The following PRRX2 variants were observed in gnomAD, a reference collection of about 807,000 sequenced individuals.
The protein encoded by PRRX2 is paired mesoderm homeobox protein 2.
In PRRX2, 11 loss-of-function variants were observed where a neutral mutation model predicts 18.0. The ratio of observed to expected loss-of-function variants is 0.61; its 90% CI spans 0.39 to 1.01. PRRX2 has a LOEUF of 1.01. Ranked by LOEUF, PRRX2 falls within the 50% of genes least tolerant of loss-of-function variation. The pLI, the probability that PRRX2 is intolerant of heterozygous loss-of-function variation, is 0.01. For missense variants in PRRX2, 387 were observed against 351.0 expected (o/e 1.10, Z -0.82); for synonymous variants, 177 against 154.8 (o/e 1.14, Z -1.06).
intron 1 of PRRX2, among the ~76,000 whole-genome samples, chr9:129,667,718 C>T (rs912273477): frequency 2.0e-5 from 3 of 152,108 alleles, no homozygotes; most frequent in South Asian, 2.1e-4. Flanking sequence ...CAGGGAAGGC[C>T]GTGCTTCTCC....
rs12350305 is a variant in PRRX2, at chr9:129,695,177, C to G, written c.260-24054C>G. 0.11 allele frequency among the ~76,000 whole-genome samples: 17,331 copies of G among 152,180 alleles called. 1,618 individuals are homozygous for G. The highest frequency in any genetic ancestry group is 0.26 in the African/African-American group (10,591 of 41,500). Reference sequence around the variant, plus strand: ...AAGATCCAGGGTCATTCTAGAAGTTCTAGGAGGATTATTCCCTTCTCCACC... The same window carrying G: ...AAGATCCAGGGTCATTCTAGAAGTTGTAGGAGGATTATTCCCTTCTCCACC... On this transcript the variant is annotated intron_variant, in intron 1 of 3. Transcript: ENST00000372469. The surrounding 1 kb of genome is among the most constrained non-coding windows in gnomAD (Gnocchi z 4.8).
intron 1 of PRRX2, among the ~76,000 whole-genome samples, chr9:129,698,922 G>A (rs866691448): frequency 3.6e-4 from 55 of 152,212 alleles, no homozygotes; most frequent in African/African-American, 1.3e-3. Flanking sequence ...CTAAACTCTA[G>A]GAAGTAGAGG....
At chr9:129,682,624 C>T (rs948136229) in intron 1 of PRRX2, among the ~76,000 whole-genome samples, 4 of 152,188 alleles carry the variant, frequency 2.6e-5, no homozygotes, top group African/African-American at 9.6e-5. Flanking sequence ...CAGGGAGTGT[C>T]TCCACCCCCT....
intron 1 of PRRX2, among the ~76,000 whole-genome samples, chr9:129,704,572 C>T (rs1005537413): frequency 1.3e-5 from 2 of 152,144 alleles, no homozygotes; most frequent in Non-Finnish European, 2.9e-5. Context: ...AGGAAGGAAG[C>T]GCATGTGTGT....
intron 1 of PRRX2, among the ~76,000 whole-genome samples, chr9:129,684,427 A>AAAACACACACACAC (rs1554723008): frequency 2.4e-5 from 2 of 82,928 alleles, no homozygotes; most frequent in Non-Finnish European, 5.1e-5. Context: ...ACACAGATAC[A>AAAACACACACACAC]ACACACACAC....
chr9:129,717,014 GTCAATTT>G (rs1317784452), intron 1 of PRRX2, among the ~76,000 whole-genome samples: 3 of 151,938 alleles, frequency 2.0e-5, no homozygotes, highest in Non-Finnish European at 4.4e-5. Flanking sequence ...GTGTGTGCTT[GTCAATTT>G]TTAATTTTAT....
At chr9:129,703,785 C>T (rs116999519) in intron 1 of PRRX2, among the ~76,000 whole-genome samples, 1 of 152,126 alleles carries the variant, frequency 6.6e-6, no homozygotes. Context: ...CTTTGCCGAG[C>T]AAGGCTCAGA....
chr9:129,690,513 T>C (rs1220948716), intron 1 of PRRX2, among the ~76,000 whole-genome samples: 3 of 151,042 alleles, frequency 2.0e-5, no homozygotes, highest in Non-Finnish European at 3.0e-5. Context: ...TCTTTTTTTT[T>C]TTTTTTTTTT....
chr9:129,669,064 A>AAAG (rs1564362569), intron 1 of PRRX2, among the ~76,000 whole-genome samples: 3 of 150,826 alleles, frequency 2.0e-5, no homozygotes, highest in African/African-American at 7.3e-5. Flanking sequence ...GGAGAAAAAA[A>AAAG]AAAGAAAGAA....
In PRRX2 at chr9:129,715,406, A is replaced by G. The variant is rs893031653; in HGVS notation, c.260-3825A>G. Reference sequence around the variant, plus strand: ...CAGGAGTTTAAGACCAGTCTTGGCAACATAGTAAGACCTCATCTCTACATT... The same window carrying G: ...CAGGAGTTTAAGACCAGTCTTGGCAGCATAGTAAGACCTCATCTCTACATT... On this transcript the variant is annotated intron_variant, in intron 1 of 3. Coordinates refer to ENST00000372469, the MANE Select transcript of PRRX2 (RefSeq NM_016307.4). This position sits in a 1 kb window ranked among gnomAD's most constrained non-coding sequence, Gnocchi z 4.0. 6.6e-6 allele frequency among the ~76,000 whole-genome samples: 1 copy of G among 152,112 alleles called. No individual in the cohort carries two copies. Among genetic ancestry groups the G allele is most frequent in the Admixed American group, 6.6e-5 (1 of 15,260 alleles).
At chr9:129,696,755 C>G (rs1832428781) in intron 1 of PRRX2, among the ~76,000 whole-genome samples, 1 of 152,112 alleles carries the variant, frequency 6.6e-6, no homozygotes, top group Admixed American at 6.5e-5. Flanking sequence ...TCCCCAGATG[C>G]TTGGGTGGGA....
chr9:129,699,123 T>TA lies in PRRX2; in HGVS notation c.260-20101dup, dbSNP rs1241019418. On this transcript the variant is annotated intron_variant, in intron 1 of 3. Coordinates refer to ENST00000372469, the MANE Select transcript of PRRX2 (RefSeq NM_016307.4). ...CTAGCCCATGCTCTGGCCTGTCAATTAAAAAAATCCATCAATAGGCTGGGC... is the reference window on the plus strand; with the variant it reads ...CTAGCCCATGCTCTGGCCTGTCAATTAAAAAAAATCCATCAATAGGCTGGGC... Among the ~76,000 whole-genome samples the TA allele has an allele frequency of 4.6e-5, 7 of 152,234 alleles. No individual in the cohort carries two copies. In the South Asian group the frequency reaches 1.0e-3, roughly 23 times the overall value.
In PRRX2 at chr9:129,715,789, C is replaced by G. The variant is rs1005047274; in HGVS notation, c.260-3442C>G. ...ACACACACACACACACACACACACA[C>G]ACACTCATTTACAGTCTCATGGAGC... On this transcript the variant is annotated intron_variant, in intron 1 of 3. Transcript: ENST00000372469. The surrounding 1 kb of genome is among the most constrained non-coding windows in gnomAD (Gnocchi z 4.0). 2.6e-5 allele frequency among the ~76,000 whole-genome samples: 4 copies of G among 151,572 alleles called. No individual in the cohort carries two copies. The highest frequency in any genetic ancestry group is 5.9e-5 in the Non-Finnish European group (4 of 67,892).
intron 1 of PRRX2, among the ~76,000 whole-genome samples, chr9:129,672,693 C>T (rs542500074): frequency 4.5e-4 from 69 of 152,106 alleles, no homozygotes; most frequent in Non-Finnish European, 8.1e-4. Context: ...GGGGACTGCC[C>T]GGGGCTGGGG....
In PRRX2 at chr9:129,715,345, C is replaced by G. The variant is rs111639002; in HGVS notation, c.260-3886C>G. On this transcript the variant is annotated intron_variant, in intron 1 of 3. Coordinates refer to ENST00000372469, the MANE Select transcript of PRRX2 (RefSeq NM_016307.4). The surrounding 1 kb of genome is among the most constrained non-coding windows in gnomAD (Gnocchi z 4.0). ...GCATGGTGGCTCGTGCCTGTAATCCCAGTACTTTGGGAGGCTGAGGCAGGA... is the reference window on the plus strand; with the variant it reads ...GCATGGTGGCTCGTGCCTGTAATCCGAGTACTTTGGGAGGCTGAGGCAGGA... 6.6e-6 allele frequency among the ~76,000 whole-genome samples: 1 copy of G among 152,106 alleles called. No homozygotes were observed. The highest frequency in any genetic ancestry group is 1.9e-4 in the East Asian group (1 of 5,184).
At chr9:129,668,778 CAA>C (rs562855941) in intron 1 of PRRX2, among the ~76,000 whole-genome samples, 6 of 58,652 alleles carry the variant, frequency 1.0e-4, no homozygotes, top group East Asian at 6.4e-4. Flanking sequence ...GACTCCATCT[CAA>C]AAAAAAAAAA....
At chr9:129,691,170 C>CA (rs59003962) in intron 1 of PRRX2, among the ~76,000 whole-genome samples, 19,987 of 101,184 alleles carry the variant, frequency 0.2, 3,224 homozygotes, top group African/African-American at 0.46. Context: ...GCTAAATATA[C>CA]AAAAAAAAAA....
chr9:129,670,302 C>G (rs937988905), intron 1 of PRRX2, among the ~76,000 whole-genome samples: 3 of 151,870 alleles, frequency 2.0e-5, no homozygotes, highest in African/African-American at 7.3e-5. Context: ...GTATACAAGT[C>G]CCTGCTTTTA....
chr9:129,698,528 C>G (rs904682837), intron 1 of PRRX2, among the ~76,000 whole-genome samples: 1 of 152,160 alleles, frequency 6.6e-6, no homozygotes, highest in Non-Finnish European at 1.5e-5. Flanking sequence ...CTTCCTTGTT[C>G]CGGAAAAGGG....
Sources: allele counts gnomAD v4.1 joint callset (sites outside exome capture counted in the v4.1 genomes callset), GRCh38; gene constraint gnomAD v4.1.1; non-coding constraint Gnocchi (gnomAD v3.1); transcripts MANE v1.5; gene names NCBI Gene and HGNC (gene_info 2026-07-23, HGNC 2026-07-21).